The following AFG1L variants were observed in gnomAD, a reference collection of about 807,000 sequenced individuals.
The protein encoded by AFG1L is AFG1 like ATPase.
Under a neutral mutation model 62.2 loss-of-function variants are expected in AFG1L, and 53 were observed. That is an observed-to-expected ratio of 0.85 (90% CI 0.68 to 1.07). AFG1L has a LOEUF of 1.07. Ranked by LOEUF, AFG1L falls within the 50% of genes least tolerant of loss-of-function variation. The pLI is 0.00. For missense variants in AFG1L, 555 were observed against 590.5 expected (o/e 0.94, Z 0.62); for synonymous variants, 228 against 210.3 (o/e 1.08, Z -0.73).
At chr6:108,385,771 T>G (rs1369895577) in intron 6 of AFG1L, among the ~76,000 whole-genome samples, 1 of 152,136 alleles carries the variant, frequency 6.6e-6, no homozygotes, top group Admixed American at 6.6e-5. Context: ...TGGAACATCT[T>G]TAAAATGTTG....
intron 2 of AFG1L, among the ~76,000 whole-genome samples, chr6:108,333,115 A>G (rs1212877296): frequency 2.0e-5 from 3 of 152,218 alleles, no homozygotes; most frequent in South Asian, 2.1e-4. Flanking sequence ...TTCATCAAAA[A>G]TAATTGACTA....
chr6:108,355,582 C>A, intron 3 of AFG1L, 72 bp from the exon 4 acceptor site: 1 of 723,298 alleles, frequency 1.4e-6, no homozygotes, highest in Non-Finnish European at 2.2e-6. Context: ...TATCTCAAAG[C>A]TAATGAACAA....
chr6:108,462,497 A>G (rs1208101636), intron 8 of AFG1L, among the ~76,000 whole-genome samples: 1 of 152,212 alleles, frequency 6.6e-6, no homozygotes, highest in Non-Finnish European at 1.5e-5. Context: ...TTAATCTTGC[A>G]TTAACTCAAA....
chr6:108,472,814 T>TA, intron 8 of AFG1L, among the ~76,000 whole-genome samples: 1 of 151,370 alleles, frequency 6.6e-6, no homozygotes, highest in South Asian at 2.1e-4. Flanking sequence ...TCTTTTCTTT[T>TA]TTTTTTTGAG....
At chr6:108,326,227 A>G (rs2114317181) in intron 2 of AFG1L, among the ~76,000 whole-genome samples, 1 of 152,212 alleles carries the variant, frequency 6.6e-6, no homozygotes, top group East Asian at 1.9e-4. Context: ...ATGCATCACC[A>G]TGCTCCACTA....
intron 10 of AFG1L, among the ~76,000 whole-genome samples, chr6:108,477,925 A>C (rs1773180797): frequency 6.6e-6 from 1 of 152,216 alleles, no homozygotes; most frequent in African/African-American, 2.4e-5. Flanking sequence ...TAAGTACTTC[A>C]GTGGATATTC....
chr6:108,339,154 CT>C (rs1167540040), intron 2 of AFG1L, among the ~76,000 whole-genome samples: 346 of 140,012 alleles, frequency 2.5e-3, no homozygotes, highest in Middle Eastern at 3.8e-3. Context: ...AAAATAAACT[CT>C]TTTTTTTTTT....
intron 8 of AFG1L, among the ~76,000 whole-genome samples, chr6:108,451,126 G>C (rs950302421): frequency 1.3e-5 from 2 of 152,010 alleles, no homozygotes; most frequent in Non-Finnish European, 2.9e-5. Context: ...CCAACTGCCA[G>C]AAAACAAACA....
chr6:108,410,627 C>T (rs1460163201), intron 7 of AFG1L, among the ~76,000 whole-genome samples: 1 of 152,064 alleles, frequency 6.6e-6, no homozygotes, highest in Non-Finnish European at 1.5e-5. Flanking sequence ...TTTTATACCA[C>T]CAGTCAAAAT....
intron 5 of AFG1L, among the ~76,000 whole-genome samples, chr6:108,360,886 A>G (rs981392059): frequency 6.6e-6 from 1 of 152,172 alleles, no homozygotes; most frequent in African/African-American, 2.4e-5. Flanking sequence ...TCTGATCCCC[A>G]CCATCCACAC....
chr6:108,512,377 CAT>C (rs1774688667), intron 11 of AFG1L, among the ~76,000 whole-genome samples: 2 of 152,182 alleles, frequency 1.3e-5, no homozygotes, highest in South Asian at 4.1e-4. Context: ...AGCCCACACA[CAT>C]GTGATGGGTA....
chr6:108,361,408 T>C (rs1051460708), intron 5 of AFG1L, among the ~76,000 whole-genome samples: 1 of 152,202 alleles, frequency 6.6e-6, no homozygotes, highest in African/African-American at 2.4e-5. Flanking sequence ...GGCCAGTCTT[T>C]CGTCTCTGGT....
intron 8 of AFG1L, among the ~76,000 whole-genome samples, chr6:108,471,428 G>A (rs1772887679): frequency 6.7e-6 from 1 of 149,976 alleles, no homozygotes; most frequent in Non-Finnish European, 1.5e-5. Flanking sequence ...ATGAAATTCA[G>A]AATGTTTCAT....
Position 108,399,692 on chromosome 6 carries a change from T to A in AFG1L, c.749-2304T>A, listed in dbSNP as rs796977704. On this transcript the variant is annotated intron_variant, in intron 6 of 12. Transcript: ENST00000368977. Reference sequence around the variant, plus strand: ...GTTTTCCTTTTTTTTTTTTTTTTTTTAAAATACTGGGCATGGTGTCATGTG... The same window carrying A: ...GTTTTCCTTTTTTTTTTTTTTTTTTAAAAATACTGGGCATGGTGTCATGTG... 2.6e-3 allele frequency among the ~76,000 whole-genome samples: 384 copies of A among 148,550 alleles called. 3 individuals carry two copies. The highest frequency in any genetic ancestry group is 7.1e-3 in the African/African-American group (288 of 40,372).
Position 108,466,567 on chromosome 6 carries a change from G to C in AFG1L, c.891-10298G>C, listed in dbSNP as rs148678918. ...TGGTGTTCTCATAAGAAAAGGCAGA[G>C]ACCCCAGGAGTGCGTGCACACAGAG... On this transcript the variant is annotated intron_variant, in intron 8 of 12. Transcript: ENST00000368977. Among the ~76,000 whole-genome samples, 1,386 of 151,970 alleles carry C rather than the reference G, an allele frequency of 9.1e-3. 6 individuals are homozygous for C. The highest frequency in any genetic ancestry group is 0.015 in the Non-Finnish European group (1,033 of 67,972).
chr6:108,373,527 T>C (rs921667059), intron 6 of AFG1L, among the ~76,000 whole-genome samples: 3 of 152,102 alleles, frequency 2.0e-5, no homozygotes, highest in Admixed American at 2.0e-4. Context: ...GTAGAATGAT[T>C]TGTTTTCTGT....
chr6:108,336,360 C>T (rs1021912247), intron 2 of AFG1L, among the ~76,000 whole-genome samples: 2 of 152,060 alleles, frequency 1.3e-5, no homozygotes, highest in Non-Finnish European at 2.9e-5. Flanking sequence ...TTAACAGCAC[C>T]ACCCTTATTA....
intron 7 of AFG1L, among the ~76,000 whole-genome samples, chr6:108,440,990 C>T (rs192727389): frequency 2.0e-5 from 3 of 151,988 alleles, no homozygotes; most frequent in East Asian, 1.9e-4. Flanking sequence ...GATAGAAGTT[C>T]GATTTATGTA....
chr6:108,310,575 C>CTTT lies in AFG1L; in HGVS notation c.140-13235_140-13233dup, dbSNP rs79088170. On this transcript the variant is annotated intron_variant, in intron 1 of 12. Transcript: ENST00000368977. Reference sequence around the variant, plus strand: ...ATTCTGTGGGTTGTATTTTCACCTTCTTTTTTTTTTTTTTTTTGAGACAGA... The same window carrying CTTT: ...ATTCTGTGGGTTGTATTTTCACCTTCTTTTTTTTTTTTTTTTTTTTGAGACAGA... Among the ~76,000 whole-genome samples, 52 of 132,532 alleles carry CTTT rather than the reference C, an allele frequency of 3.9e-4. 1 individual carries two copies. Among genetic ancestry groups the CTTT allele is most frequent in the South Asian group, 1.4e-3 (6 of 4,184 alleles). The allele number at this position is 132,532 out of a possible 152,430, so 86.9% of individuals were successfully genotyped here.
Sources: allele counts gnomAD v4.1 joint callset (sites outside exome capture counted in the v4.1 genomes callset), GRCh38; gene constraint gnomAD v4.1.1; transcripts MANE v1.5; gene names NCBI Gene and HGNC (gene_info 2026-07-23, HGNC 2026-07-21).